AKT3: variants seen among roughly 807,000 people sequenced by gnomAD.
AKT3 encodes the protein RAC-gamma serine/threonine-protein kinase.
A neutral mutation model predicts 65.3 loss-of-function variants in AKT3; 15 were observed. The observed-to-expected ratio is 0.23, with a 90% CI of 0.15 to 0.35. The LOEUF (loss-of-function observed/expected upper bound fraction) is 0.35, where lower values mean the gene tolerates loss of function less well. AKT3 is among the 10% of genes least tolerant of loss of function. The pLI, the probability that AKT3 is intolerant of heterozygous loss-of-function variation, is 1.00. For synonymous variants in AKT3, 206 were observed against 183.8 expected (o/e 1.12, Z -0.98); for missense variants, 243 against 576.5 (o/e 0.42, Z 5.92).
intron 13 of AKT3, chr1:243,489,240 C>T: frequency 2.7e-6 from 4 of 1,461,566 alleles, no homozygotes; most frequent in Non-Finnish European, 2.8e-6. Context: ...CGGATCACAT[C>T]GGTTAGCAGT....
At chr1:243,715,158 G>C (rs1230360371) in intron 2 of AKT3, among the ~76,000 whole-genome samples, 1 of 152,034 alleles carries the variant, frequency 6.6e-6, no homozygotes, top group African/African-American at 2.4e-5. Context: ...TCTGTCTTTA[G>C]AAGAAAGACT....
At chr1:243,594,507 G>A (rs1314847090) in intron 8 of AKT3, among the ~76,000 whole-genome samples, 1 of 152,186 alleles carries the variant, frequency 6.6e-6, no homozygotes, top group Non-Finnish European at 1.5e-5. Flanking sequence ...GCGTGGTACT[G>A]ATGTAAAGAG....
intron 2 of AKT3, among the ~76,000 whole-genome samples, chr1:243,812,223 G>C (rs532059902): frequency 6.6e-6 from 1 of 152,270 alleles, no homozygotes; most frequent in East Asian, 1.9e-4. Context: ...ACTACCATCA[G>C]AGTGAACAGC....
At position 243,503,206 on chromosome 1, in the gene AKT3, AAG is replaced by A; in HGVS notation, c.*2041_*2042del. The A allele has an allele frequency of 4.3e-6, 1 of 233,698 alleles. No individual in the cohort carries two copies. The highest frequency in any genetic ancestry group is 8.5e-6 in the Non-Finnish European group (1 of 118,040). 14.5% of individuals were successfully genotyped at this position (233,698 alleles called of 1,614,324 possible). ...ACTTCACTCAGGTAGAAATATGAAA[AAG>A]AAGGATAACGTTGATGTCTGAATAT... On this transcript the variant is annotated 3_prime_UTR_variant, in exon 14 of 14. Transcript: ENST00000673466.
intron 4 of AKT3, among the ~76,000 whole-genome samples, chr1:243,663,629 T>C (rs1290203537): frequency 6.6e-6 from 1 of 152,224 alleles, no homozygotes; most frequent in East Asian, 1.9e-4. Context: ...TAATCAATCA[T>C]ACATTACCAT....
At chr1:243,627,207 TACTC>T (rs1679235267) in intron 6 of AKT3, among the ~76,000 whole-genome samples, 1 of 151,996 alleles carries the variant, frequency 6.6e-6, no homozygotes, top group Non-Finnish European at 1.5e-5. Flanking sequence ...AAAAGAGACA[TACTC>T]AGCCAGACAT....
intron 2 of AKT3, among the ~76,000 whole-genome samples, chr1:243,761,330 T>G (rs1263325360): frequency 6.6e-6 from 1 of 152,090 alleles, no homozygotes; most frequent in African/African-American, 2.4e-5. Flanking sequence ...AAAGACTCAA[T>G]GGACAAGCTA....
chr1:243,678,835 C>T (rs1292838380), intron 3 of AKT3, among the ~76,000 whole-genome samples: 3 of 152,058 alleles, frequency 2.0e-5, no homozygotes, highest in Non-Finnish European at 2.9e-5. Context: ...TTTCTAATAA[C>T]GTTTATACAC....
chr1:243,766,335 T>TA (rs1359095675), intron 2 of AKT3, among the ~76,000 whole-genome samples: 1 of 151,722 alleles, frequency 6.6e-6, no homozygotes, highest in Non-Finnish European at 1.5e-5. Flanking sequence ...AGAAAGAAAA[T>TA]AAAAAAGAAA....
chr1:243,586,008 TAAGA>T (rs1299893798), intron 8 of AKT3, among the ~76,000 whole-genome samples: 1 of 152,056 alleles, frequency 6.6e-6, no homozygotes, highest in Non-Finnish European at 1.5e-5. Context: ...CCAAAGTGTA[TAAGA>T]AAGTTAAACA....
intron 8 of AKT3, among the ~76,000 whole-genome samples, chr1:243,594,737 C>T (rs1676476059): frequency 5.3e-5 from 8 of 152,014 alleles, no homozygotes; most frequent in Admixed American, 5.2e-4. Context: ...CCAGTCCAGG[C>T]TAATTTTTTA....
At chr1:243,743,814 A>G (rs534478107) in intron 2 of AKT3, among the ~76,000 whole-genome samples, 1 of 152,322 alleles carries the variant, frequency 6.6e-6, no homozygotes, top group Admixed American at 6.5e-5. Context: ...GTTTAAGACC[A>G]GCCTCAGCAA....
Position 243,642,412 on chromosome 1 carries a change from A to C in AKT3, c.429+3481T>G, listed in dbSNP as rs184848607. 8.0e-3 allele frequency among the ~76,000 whole-genome samples: 1,216 copies of C among 152,184 alleles called. 17 individuals carry two copies. The highest frequency in any genetic ancestry group is 0.025 in the African/African-American group (1,027 of 41,472). On this transcript the variant is annotated intron_variant, in intron 5 of 13. Transcript: ENST00000673466. ...GCAAGCTCTGCCTCCTGAGATCACG[A>C]CATTCTCCTGCCTCAGCCTCCCGAG...
intron 8 of AKT3, among the ~76,000 whole-genome samples, chr1:243,577,331 G>C (rs1389197366): frequency 6.6e-6 from 1 of 152,100 alleles, no homozygotes; most frequent in Non-Finnish European, 1.5e-5. Context: ...ATTTTTAGTA[G>C]AGATGGGGTT....
intron 1 of AKT3, among the ~76,000 whole-genome samples, chr1:243,848,063 T>C (rs1466648571): frequency 6.6e-6 from 1 of 152,154 alleles, no homozygotes; most frequent in Non-Finnish European, 1.5e-5. Context: ...AAAACCACAA[T>C]GCAAATACAC....
intron 8 of AKT3, among the ~76,000 whole-genome samples, chr1:243,608,743 CTTTTTTTTTTT>C (rs566574203): frequency 9.2e-4 from 65 of 70,800 alleles, no homozygotes; most frequent in South Asian, 5.3e-3. Context: ...AAGTTTTTTG[CTTTTTTTTTTT>C]TTTTTTTTTT....
intron 2 of AKT3, among the ~76,000 whole-genome samples, chr1:243,712,544 C>T (rs1686228910): frequency 6.6e-6 from 1 of 151,914 alleles, no homozygotes; most frequent in Non-Finnish European, 1.5e-5. Context: ...TAATTCTCCA[C>T]ACATATTTTT....
chr1:243,725,957 A>G (rs867713250), intron 2 of AKT3, among the ~76,000 whole-genome samples: 1 of 152,212 alleles, frequency 6.6e-6, no homozygotes, highest in Non-Finnish European at 1.5e-5. Context: ...ACTTCGTAGA[A>G]GACTAGGAAA....
At chr1:243,726,349 A>G (rs1230561198) in intron 2 of AKT3, among the ~76,000 whole-genome samples, 1 of 152,184 alleles carries the variant, frequency 6.6e-6, no homozygotes, top group Admixed American at 6.5e-5. Flanking sequence ...GGTGTTTTTT[A>G]ACGTGTGGGA....
Sources: gnomAD v4.1 joint callset for allele counts (sites outside exome capture counted in the v4.1 genomes callset) on GRCh38, gnomAD v4.1.1 for gene constraint, MANE v1.5 for transcripts, NCBI Gene and HGNC (gene_info 2026-07-23, HGNC 2026-07-21) for gene names.